Variants in RIN2 observed in about 807,000 individuals in gnomAD.
The protein encoded by RIN2 is Ras and Rab interactor 2.
Under a neutral mutation model 78.0 loss-of-function variants are expected in RIN2, and 36 were observed. The ratio of observed to expected loss-of-function variants is 0.46; its 90% confidence interval spans 0.35 to 0.61. The LOEUF (loss-of-function observed/expected upper bound fraction) is 0.61, where lower values mean the gene tolerates loss of function less well. Ranked by LOEUF, RIN2 falls within the 20% of genes least tolerant of loss-of-function variation. The pLI is 0.00. For missense variants in RIN2, 1,087 were observed against 1,159.7 expected (o/e 0.94, Z 0.91); for synonymous variants, 466 against 466.8 (o/e 1.00, Z 0.02).
intron 9 of RIN2, among the ~76,000 whole-genome samples, chr20:19,980,445 AC>A (rs1028089636): frequency 2.0e-5 from 3 of 152,164 alleles, no homozygotes; most frequent in Non-Finnish European, 4.4e-5. Context: ...GACAGCCTGC[AC>A]AAGGGGGCTG....
chr20:19,927,845 C>A (rs151071965), intron 3 of RIN2, among the ~76,000 whole-genome samples: 1 of 152,068 alleles, frequency 6.6e-6, no homozygotes, highest in African/African-American at 2.4e-5. Flanking sequence ...CTACTGCTCC[C>A]GGCCAAGAGA....
In RIN2 at chr20:19,960,692, T is replaced by G; in HGVS notation, c.352-8T>G. 1 of 1,559,964 alleles carries G rather than the reference T, an allele frequency of 6.4e-7. No individual in the cohort carries two copies. The highest frequency in any genetic ancestry group is 1.2e-5 in the South Asian group (1 of 85,588). ...TCCTAAAGCTTGTATTTCTTTTCCC[T>G]CCACTAGATCTTCCTGGTTCATAAA... is the stretch of plus-strand genomic sequence containing the variant. On this transcript the variant is annotated splice_region_variant and splice_polypyrimidine_tract_variant and intron_variant, in intron 5 of 12. Coordinates refer to ENST00000255006, the MANE Select transcript of RIN2 (RefSeq NM_018993.4).
intron 11 of RIN2, among the ~76,000 whole-genome samples, chr20:19,992,573 T>C (rs2042829117): frequency 6.6e-6 from 1 of 152,144 alleles, no homozygotes; most frequent in South Asian, 2.1e-4. Context: ...TTTAAAAGAG[T>C]GTACTAACCT....
At chr20:19,903,551 C>T (rs762233493) in intron 3 of RIN2, among the ~76,000 whole-genome samples, 1 of 152,150 alleles carries the variant, frequency 6.6e-6, no homozygotes, top group Non-Finnish European at 1.5e-5. Flanking sequence ...GCTGGTTCCA[C>T]CTTGACCACT....
At chr20:19,927,498 T>C (rs1481016520) in intron 3 of RIN2, among the ~76,000 whole-genome samples, 1 of 152,004 alleles carries the variant, frequency 6.6e-6, no homozygotes, top group African/African-American at 2.4e-5. Context: ...CACTGCAACC[T>C]CTGTCTCCCA....
intron 5 of RIN2, among the ~76,000 whole-genome samples, chr20:19,957,779 T>G (rs1287636754): frequency 6.6e-6 from 1 of 152,170 alleles, no homozygotes; most frequent in Non-Finnish European, 1.5e-5. Flanking sequence ...CAAATAAAAT[T>G]AGAAATTCAG....
intron 3 of RIN2, among the ~76,000 whole-genome samples, chr20:19,907,359 T>C (rs548789889): frequency 2.6e-5 from 4 of 152,006 alleles, no homozygotes; most frequent in Non-Finnish European, 4.4e-5. Context: ...CTGGAGAGGG[T>C]TGGGTCTTGT....
intron 6 of RIN2, among the ~76,000 whole-genome samples, chr20:19,962,733 G>A (rs2041805708): frequency 6.6e-6 from 1 of 152,182 alleles, no homozygotes; most frequent in Admixed American, 6.5e-5. Flanking sequence ...GAGGTGGGCG[G>A]ATCACTTGAG....
In RIN2 at chr20:19,943,896, A is replaced by T. The variant is rs191583234; in HGVS notation, c.158+8697A>T. Among the ~76,000 whole-genome samples the T allele has an allele frequency of 7.2e-4, 110 of 152,004 alleles. 1 individual carries two copies. Among genetic ancestry groups the T allele is most frequent in the Admixed American group, 8.5e-4 (13 of 15,288 alleles). ...GCCAGGCCAGGGTCCTGCCGTGTCCAGAATAATGGATTGGGGTTTCCCTTC... is the reference window on the plus strand; with the variant it reads ...GCCAGGCCAGGGTCCTGCCGTGTCCTGAATAATGGATTGGGGTTTCCCTTC... On this transcript the variant is annotated intron_variant, in intron 4 of 12. Transcript: ENST00000255006.
At chr20:19,940,454 C>T (rs965192376) in intron 4 of RIN2, among the ~76,000 whole-genome samples, 7 of 152,232 alleles carry the variant, frequency 4.6e-5, no homozygotes, top group Non-Finnish European at 8.8e-5. Flanking sequence ...AGGCCCTTCC[C>T]CCAGTCTCCA....
chr20:19,889,302 C>T (rs531009944), intron 2 of RIN2: 6 of 1,161,574 alleles, frequency 5.2e-6, no homozygotes, highest in Non-Finnish European at 6.4e-6. Context: ...ACAAAGTAAT[C>T]ATTAGGCTTC....
At chr20:19,997,187 A>G (rs892958413) in intron 12 of RIN2, among the ~76,000 whole-genome samples, 4 of 152,148 alleles carry the variant, frequency 2.6e-5, no homozygotes, top group African/African-American at 7.2e-5. Context: ...ACGCGATGCA[A>G]TTGGCCTAGT....
chr20:19,770,685 C>T (rs554148271), intron 1 of RIN2, among the ~76,000 whole-genome samples: 2 of 152,262 alleles, frequency 1.3e-5, no homozygotes, highest in South Asian at 2.1e-4. Context: ...CATGTTTTCA[C>T]GTATAACCTG....
At chr20:19,920,251 G>C (rs572209022) in intron 3 of RIN2, among the ~76,000 whole-genome samples, 1 of 149,060 alleles carries the variant, frequency 6.7e-6, no homozygotes, top group Non-Finnish European at 1.5e-5. Flanking sequence ...AGCTGAGATC[G>C]CGCCACTGCA....
At chr20:19,944,996 G>A (rs557767150) in intron 4 of RIN2, among the ~76,000 whole-genome samples, 121 of 152,304 alleles carry the variant, frequency 7.9e-4, no homozygotes, top group Admixed American at 2.1e-3. Context: ...CCCATGGAGC[G>A]GAACCATTAC....
intron 11 of RIN2, among the ~76,000 whole-genome samples, chr20:19,994,097 C>G (rs2042883192): frequency 6.6e-6 from 1 of 152,228 alleles, no homozygotes; most frequent in South Asian, 2.1e-4. Flanking sequence ...TTCTCCTCCA[C>G]GAATCCCACA....
chr20:19,975,014 C>T lies in RIN2; in HGVS notation c.989C>T (p.Thr330Ile). ...HTSPRLARTE[T>I]QTSMPETVNH... ...AGCCCTCGGCTGGCCAGGACTGAAACCCAGACGAGCATGCCAGAAACAGTC... is the reference window on the plus strand; with the variant it reads ...AGCCCTCGGCTGGCCAGGACTGAAATCCAGACGAGCATGCCAGAAACAGTC... Residue 330 changes from threonine to isoleucine, a missense_variant, in exon 9 of 13, where the codon ACC (threonine) becomes ATC (isoleucine). Physicochemically the swap from Thr to Ile is moderately conservative, Grantham distance 89 (BLOSUM62 -1). Around this residue, in one of 8 missense-constraint regions of RIN2, gnomAD observed 706 missense variants for 667.5 expected, o/e 1.06. Transcript: ENST00000255006. The surrounding 1 kb of genome is among the most constrained non-coding windows in gnomAD (Gnocchi z 4.9). 1.3e-6 allele frequency: 2 copies of T among 1,495,958 alleles called. No individual in the cohort carries two copies. Among genetic ancestry groups the T allele is most frequent in the Non-Finnish European group, 1.8e-6 (2 of 1,107,234 alleles). The allele number at this position is 1,495,958 out of a possible 1,614,324, so 92.7% of individuals were successfully genotyped here. A position where few individuals can be genotyped will look rare whatever the true frequency, so the allele number is the denominator to read the frequency against.
chr20:19,918,353 T>TTGTG lies in RIN2; in HGVS notation c.58-16708_58-16705dup, dbSNP rs3059683. On this transcript the variant is annotated intron_variant, in intron 3 of 12. Transcript: ENST00000255006. Reference sequence around the variant, plus strand: ...AAAACGTGACTCTCATACAAATACATTGTGTGTGTGTGTGTGTGTGTGTGT... The same window carrying TTGTG: ...AAAACGTGACTCTCATACAAATACATTGTGTGTGTGTGTGTGTGTGTGTGTGTGT... 5.9e-3 allele frequency among the ~76,000 whole-genome samples: 870 copies of TTGTG among 147,216 alleles called. 8 individuals are homozygous for TTGTG. The highest frequency in any genetic ancestry group is 9.6e-3 in the East Asian group (48 of 5,014).
chr20:19,970,559 T>C (rs932607105), intron 7 of RIN2, among the ~76,000 whole-genome samples: 1 of 152,200 alleles, frequency 6.6e-6, no homozygotes, highest in African/African-American at 2.4e-5. Context: ...ATGTAAACTC[T>C]ACATACGTTT....
Sources: allele counts gnomAD v4.1 joint callset (sites outside exome capture counted in the v4.1 genomes callset), GRCh38; gene constraint gnomAD v4.1.1; regional missense constraint gnomAD v4.1.1; non-coding constraint Gnocchi (gnomAD v3.1); transcripts MANE v1.5; gene names NCBI Gene and HGNC (gene_info 2026-07-23, HGNC 2026-07-21).